CR2: variants seen among roughly 807,000 people sequenced by gnomAD.
CR2 encodes complement C3d receptor 2.
Under a neutral mutation model 123.0 loss-of-function variants are expected in CR2, and 96 were observed. That is an observed-to-expected ratio of 0.78 (90% CI 0.66 to 0.93). The LOEUF (loss-of-function observed/expected upper bound fraction) is 0.93, where lower values mean the gene tolerates loss of function less well. Among genes scored for constraint, CR2 ranks in the 40% least tolerant of loss-of-function variants. CR2 has a pLI of 0.00. For synonymous variants in CR2, 484 were observed against 469.5 expected (o/e 1.03, Z -0.40); for missense variants, 1,258 against 1,361.0 (o/e 0.92, Z 1.19).
intron 1 of CR2, among the ~76,000 whole-genome samples, chr1:207,458,863 C>A (rs751682417): frequency 6.6e-6 from 1 of 152,088 alleles, no homozygotes; most frequent in Non-Finnish European, 1.5e-5. Flanking sequence ...AGGGTGGGAA[C>A]CTTGTCTCTG....
At position 207,476,074 on chromosome 1, in the gene CR2, C is replaced by T. The variant is rs1355372711; in HGVS notation, c.2717-160C>T. Among the ~76,000 whole-genome samples the T allele has an allele frequency of 2.0e-5, 3 of 152,280 alleles. No individual in the cohort carries two copies. The East Asian group carries it at 5.8e-4, about 29-fold the overall frequency. ...GCTATCAGTAGGAAATGCAGATCTC[C>T]ATCCAGTGTTGCTGGTCTGGGTGGA... On this transcript the variant is annotated intron_variant, in intron 14 of 19. Transcript: ENST00000367057.
chr1:207,483,523 A>G (rs1277552763), intron 18 of CR2, among the ~76,000 whole-genome samples: 1 of 151,106 alleles, frequency 6.6e-6, no homozygotes, highest in African/African-American at 2.4e-5. Context: ...AGGGTGTTCT[A>G]TGGCAAATAA....
chr1:207,463,854 C>G (rs1275527695), intron 1 of CR2, among the ~76,000 whole-genome samples: 1 of 151,926 alleles, frequency 6.6e-6, no homozygotes, highest in Non-Finnish European at 1.5e-5. Flanking sequence ...TTTATTGCAC[C>G]CTATTTAATT....
chr1:207,485,338 T>A (rs1364321380), intron 18 of CR2, 126 bp from the exon 19 acceptor site: 31 of 680,386 alleles, frequency 4.6e-5, no homozygotes, highest in Middle Eastern at 4.0e-4. Flanking sequence ...AAGTATAATT[T>A]AAAAAAATGA....
chr1:207,474,233 C>G lies in CR2; in HGVS notation c.2241-8C>G, dbSNP rs781392993. The G allele has an allele frequency of 1.2e-6, 2 of 1,602,956 alleles. No homozygotes were observed. The highest frequency in any genetic ancestry group is 2.2e-5 in the South Asian group (2 of 90,810). On this transcript the variant is annotated splice_region_variant and splice_polypyrimidine_tract_variant and intron_variant, in intron 12 of 19. Transcript: ENST00000367057. ...ACAGGAAATGCATTATAATCTGTCT[C>G]TCTGTAGGTACCAGTTGACTGGACA...
At chr1:207,466,406 A>G (rs1658099048) in intron 1 of CR2, 120 bp from the exon 2 acceptor site, 1 of 1,150,326 alleles carries the variant, frequency 8.7e-7, no homozygotes, top group South Asian at 1.3e-5. Context: ...AATAAACTAT[A>G]CATATTTCTA....
At position 207,472,818 on chromosome 1, in the gene CR2, C is replaced by T. The variant is rs34349246; in HGVS notation, c.1617C>T (p.Thr539=). The change falls in exon 10 of 20, where the codon ACC becomes ACT. Residue 539 remains threonine, a synonymous_variant. Transcript: ENST00000367057. ...PPPVIYNGAH[T]GSSLEDFPYG... ...CTGTTATCTACAATGGGGCACACAC[C>T]GGGAGTTCCTTAGAAGATTTTCCAT... is the stretch of plus-strand genomic sequence containing the variant. The T allele has an allele frequency of 0.015, 24,091 of 1,613,944 alleles. 253 individuals are homozygous for T. The highest frequency in any genetic ancestry group is 0.033 in the African/African-American group (2,462 of 74,988).
Position 207,455,898 on chromosome 1 carries a change from C to A in CR2, c.58+1422C>A, listed in dbSNP as rs567573172. On this transcript the variant is annotated intron_variant, in intron 1 of 19. Coordinates refer to ENST00000367057, the MANE Select transcript of CR2 (RefSeq NM_001006658.3). ...CCTATCAGCCATTCAAGCTACTGTG[C>A]TTCTGTTGTTTGTCCATTTCTCATT... 5.3e-5 allele frequency among the ~76,000 whole-genome samples: 8 copies of A among 152,278 alleles called. No individual in the cohort carries two copies. The East Asian group carries it at 1.5e-3, about 29-fold the overall frequency.
chr1:207,483,928 T>C (rs1658676357), intron 18 of CR2, among the ~76,000 whole-genome samples: 1 of 151,982 alleles, frequency 6.6e-6, no homozygotes, highest in Non-Finnish European at 1.5e-5. Flanking sequence ...ACAGTAATGT[T>C]CAAAAGGCAG....
At position 207,475,195 on chromosome 1, in the gene CR2, G is replaced by A. The variant is rs1372335041; in HGVS notation, c.2695G>A (p.Val899Met). 4 of 1,613,978 alleles carry A rather than the reference G, an allele frequency of 2.5e-6. No individual in the cohort carries two copies. Among genetic ancestry groups the A allele is most frequent in the Non-Finnish European group, 3.4e-6 (4 of 1,179,936 alleles). The change falls in exon 14 of 20, where the codon GTG becomes ATG. Residue 899 changes from valine (V) to methionine (M), a missense_variant. Physicochemically the swap from Val to Met is conservative, Grantham distance 21. Transcript: ENST00000367057. ...CHTDNTWVPG[V>M]PTCIKKAFIG... ...TACTGATAACACATGGGTGCCAGGT[G>A]TGCCAACTTGTATCAAAAAAGGTAA...
chr1:207,459,406 G>A (rs1180709695), intron 1 of CR2, among the ~76,000 whole-genome samples: 1 of 151,798 alleles, frequency 6.6e-6, no homozygotes, highest in Non-Finnish European at 1.5e-5. Flanking sequence ...CAAATAGGCA[G>A]GAAACCCAGT....
At position 207,466,666 on chromosome 1, in the gene CR2, A is replaced by T. The variant is rs773810064; in HGVS notation, c.199A>T (p.Thr67Ser). ...LIGEKSLLCI[T>S]KDKVDGTWDK... ...TGGAGAAAAAAGTCTATTATGCATA[A>T]CTAAAGACAAAGTGGATGGAACCTG... The change falls in exon 2 of 20, where the codon ACT becomes TCT. Residue 67 changes from threonine to serine, a missense_variant. Coordinates refer to ENST00000367057, the MANE Select transcript of CR2 (RefSeq NM_001006658.3). 6.2e-7 allele frequency: 1 copy of T among 1,614,140 alleles called. No homozygotes were observed. The highest frequency in any genetic ancestry group is 8.5e-7 in the Non-Finnish European group (1 of 1,179,996).
At chr1:207,476,098 G>T in intron 14 of CR2, 136 bp from the exon 15 acceptor site, 1 of 769,482 alleles carries the variant, frequency 1.3e-6, no homozygotes. Context: ...GGTCTGGGTG[G>T]AATGAATGAA....
At chr1:207,479,424 A>C in intron 17 of CR2, 144 bp downstream of exon 17, 1 of 630,698 alleles carries the variant, frequency 1.6e-6, no homozygotes. Flanking sequence ...ACTTCAATGT[A>C]CATGTCACAT....
chr1:207,477,232 G>A (rs1313404361), intron 15 of CR2, among the ~76,000 whole-genome samples: 1 of 152,198 alleles, frequency 6.6e-6, no homozygotes, highest in Non-Finnish European at 1.5e-5. Context: ...AGGTGAAGGA[G>A]GAGCAAAGGC....
In CR2 at chr1:207,475,091, C is replaced by T. The variant is rs1658397779; in HGVS notation, c.2591C>T (p.Ala864Val). 6.2e-7 allele frequency: 1 copy of T among 1,612,294 alleles called. No homozygotes were observed. The highest frequency in any genetic ancestry group is 1.1e-5 in the South Asian group (1 of 90,842). Residue 864 changes from alanine to valine, a missense_variant, in exon 14 of 20, where the codon GCA (alanine) becomes GTA (valine). Transcript: ENST00000367057. ...HGYKLNKTHS[A>V]YSHNDIVYVD... ...TACAAGCTCAATAAAACACATTCTG[C>T]ATATTCCCACAATGACATAGTGTAT... is the stretch of plus-strand genomic sequence containing the variant.
chr1:207,483,342 T>C (rs902285058), intron 18 of CR2, among the ~76,000 whole-genome samples: 7 of 152,172 alleles, frequency 4.6e-5, no homozygotes, highest in Non-Finnish European at 1.0e-4. Flanking sequence ...ACTGAAACTA[T>C]GTACTGAGGG....
At chr1:207,476,553 A>G (rs926357480) in intron 15 of CR2, 134 bp downstream of exon 15, 23 of 775,216 alleles carry the variant, frequency 3.0e-5, no homozygotes, top group Non-Finnish European at 4.7e-5. Flanking sequence ...CTTTAATTAG[A>G]TTAATACAAT....
chr1:207,470,322 A>T (rs1395626696), intron 6 of CR2, among the ~76,000 whole-genome samples: 1 of 152,130 alleles, frequency 6.6e-6, no homozygotes, highest in Non-Finnish European at 1.5e-5. Context: ...GGAATCACTA[A>T]GTTTCTCATT....
Sources: gnomAD v4.1 joint callset for allele counts (sites outside exome capture counted in the v4.1 genomes callset) on GRCh38, gnomAD v4.1.1 for gene constraint, MANE v1.5 for transcripts, NCBI Gene and HGNC (gene_info 2026-07-23, HGNC 2026-07-21) for gene names.